XKR9: variants seen among roughly 807,000 people sequenced by gnomAD.
XKR9 encodes the protein XK related 9, also known as XK-related protein 9.
Under a neutral mutation model 32.0 loss-of-function variants are expected in XKR9, and 32 were observed. That is an observed-to-expected ratio of 1.00 (90% CI 0.76 to 1.34). The LOEUF (loss-of-function observed/expected upper bound fraction) is 1.34. XKR9 is among the 40% of genes most tolerant of loss of function. The pLI, the probability that XKR9 is intolerant of heterozygous loss-of-function variation, is 0.00. For missense variants in XKR9, 546 were observed against 429.7 expected (o/e 1.27, Z -2.39); for synonymous variants, 168 against 143.4 (o/e 1.17, Z -1.22).
chr8:70,856,242 G>T, the XKR9 span, among the ~76,000 whole-genome samples: 1 of 152,150 alleles, frequency 6.6e-6, no homozygotes, highest in Non-Finnish European at 1.5e-5. Flanking sequence ...CATCTCACAT[G>T]CAGAGACACA....
At chr8:70,733,070 GCACTC>G (rs531920050) in intron 4 of XKR9, among the ~76,000 whole-genome samples, 291 of 152,290 alleles carry the variant, frequency 1.9e-3, no homozygotes, top group African/African-American at 6.8e-3. Flanking sequence ...TTGCACCACT[GCACTC>G]CAGCCATAGT....
the XKR9 span, among the ~76,000 whole-genome samples, chr8:70,858,225 T>G: frequency 8.5e-5 from 13 of 152,304 alleles, no homozygotes; most frequent in Admixed American, 8.5e-4. Context: ...CCCCATCGTC[T>G]CATCCCAAAA....
chr8:70,744,331 T>A (rs1807028566), intron 2 of XKR9, among the ~76,000 whole-genome samples: 1 of 151,960 alleles, frequency 6.6e-6, no homozygotes, highest in East Asian at 1.9e-4. Flanking sequence ...AATCTTTCTG[T>A]AATATTTACT....
chr8:70,789,514 G>A (rs1367865347), intron 3 of XKR9: 3 of 152,052 alleles, frequency 2.0e-5, no homozygotes, highest in Non-Finnish European at 4.4e-5. Flanking sequence ...CTGTCTCAAT[G>A]CAGACACAGT....
chr8:70,834,328 G>A, the XKR9 span, among the ~76,000 whole-genome samples: 1 of 152,000 alleles, frequency 6.6e-6, no homozygotes, highest in African/African-American at 2.4e-5. Flanking sequence ...AACTATAGCA[G>A]TATTTATTCT....
chr8:70,778,758 T>G (rs974337199), intron 2 of XKR9, among the ~76,000 whole-genome samples: 1 of 152,160 alleles, frequency 6.6e-6, no homozygotes, highest in African/African-American at 2.4e-5. Context: ...TTGTCTGTTA[T>G]TGGTGTATAG....
At chr8:70,869,154 T>C in the XKR9 span, among the ~76,000 whole-genome samples, 1 of 152,240 alleles carries the variant, frequency 6.6e-6, no homozygotes, top group African/African-American at 2.4e-5. Flanking sequence ...TCCAAATGGT[T>C]CCAAGCTCTG....
At chr8:70,810,990 C>T in the XKR9 span, among the ~76,000 whole-genome samples, 17 of 152,258 alleles carry the variant, frequency 1.1e-4, no homozygotes, top group South Asian at 3.5e-3. Context: ...AATGTACATT[C>T]TTTTCAGCAC....
At chr8:71,007,728 G>A in the XKR9 span, among the ~76,000 whole-genome samples, 72 of 152,198 alleles carry the variant, frequency 4.7e-4, no homozygotes, top group Non-Finnish European at 9.3e-4. Context: ...GTCTGAAAAT[G>A]TATACAACTA....
At chr8:70,720,782 G>A (rs929245082) in intron 4 of XKR9, among the ~76,000 whole-genome samples, 1 of 152,146 alleles carries the variant, frequency 6.6e-6, no homozygotes, top group Non-Finnish European at 1.5e-5. Flanking sequence ...TTGTGTCTCT[G>A]CCATGTTTTG....
chr8:70,852,575 A>C, the XKR9 span, among the ~76,000 whole-genome samples: 1 of 152,212 alleles, frequency 6.6e-6, no homozygotes, highest in Non-Finnish European at 1.5e-5. Context: ...ACTATTCACA[A>C]TAGCAAAGAC....
the XKR9 span, among the ~76,000 whole-genome samples, chr8:70,930,243 C>A: frequency 6.6e-6 from 1 of 152,024 alleles, no homozygotes; most frequent in African/African-American, 2.4e-5. Context: ...GCTTTTAATG[C>A]TCTGGTTAAG....
At chr8:70,885,150 G>A in the XKR9 span, among the ~76,000 whole-genome samples, 1 of 151,660 alleles carries the variant, frequency 6.6e-6, no homozygotes, top group Non-Finnish European at 1.5e-5. Flanking sequence ...AAGTGATGTT[G>A]TGTTTTAAAT....
the XKR9 span, among the ~76,000 whole-genome samples, chr8:71,033,812 C>A: frequency 6.6e-6 from 1 of 152,094 alleles, no homozygotes; most frequent in Non-Finnish European, 1.5e-5. Flanking sequence ...GATGCAGCTG[C>A]CCAATTTTGA....
Position 70,707,127 on chromosome 8 carries a change from A to T in XKR9, c.467A>T (p.Glu156Val). 2 of 1,613,024 alleles carry T rather than the reference A, an allele frequency of 1.2e-6. No individual in the cohort carries two copies. The change falls in exon 4 of 5, where the codon GAG (glutamate) becomes GTG (valine). Residue 156 changes from glutamate (E) to valine (V), a missense_variant. Physicochemically the swap from Glu to Val is moderately radical, Grantham distance 121. Transcript: ENST00000408926. ...ATTCTTCAACTCTACATTCTTCTGG[A>T]GCATGGACAAGCGAATTTCAGTCAG... is the stretch of plus-strand genomic sequence containing the variant. ...QLILQLYILL[E>V]HGQANFSQYA...
the XKR9 span, among the ~76,000 whole-genome samples, chr8:70,801,317 CCTAACA>C: frequency 1.2e-4 from 18 of 152,124 alleles, no homozygotes; most frequent in African/African-American, 3.6e-4. Flanking sequence ...ACACTTCCCT[CCTAACA>C]CTAACACTGC....
chr8:70,820,187 G>A, the XKR9 span, among the ~76,000 whole-genome samples: 1 of 152,114 alleles, frequency 6.6e-6, no homozygotes. Flanking sequence ...TTACCTCTAA[G>A]GATAGTAAGA....
the XKR9 span, among the ~76,000 whole-genome samples, chr8:71,033,107 A>C: frequency 6.6e-6 from 1 of 151,952 alleles, no homozygotes; most frequent in African/African-American, 2.4e-5. Flanking sequence ...ATCAATAAAC[A>C]CAGGGAAACA....
chr8:71,027,785 G>A, the XKR9 span, among the ~76,000 whole-genome samples: 5 of 149,910 alleles, frequency 3.3e-5, no homozygotes, highest in East Asian at 3.9e-4. Flanking sequence ...TTGGCGGGGG[G>A]GGGGGGTCTC....
Sources: allele counts gnomAD v4.1 joint callset (sites outside exome capture counted in the v4.1 genomes callset), GRCh38; gene constraint gnomAD v4.1.1; transcripts MANE v1.5; gene names NCBI Gene and HGNC (gene_info 2026-07-23, HGNC 2026-07-21).